The following FEZ1 variants were observed in gnomAD, a reference collection of about 807,000 sequenced individuals.
FEZ1 encodes the protein fasciculation and elongation protein zeta 1.
In FEZ1, 20 loss-of-function variants were observed where a neutral mutation model predicts 49.3. The observed-to-expected ratio is 0.41, with a 90% CI of 0.29 to 0.59. The LOEUF (loss-of-function observed/expected upper bound fraction) is 0.59. FEZ1 is among the 20% of genes least tolerant of loss of function. The probability of loss-of-function intolerance (pLI) is 0.36; values close to 1 mark genes in which losing one functional copy is unlikely to be tolerated. For missense variants in FEZ1, 413 were observed against 476.0 expected (o/e 0.87, Z 1.23); for synonymous variants, 170 against 180.9 (o/e 0.94, Z 0.48).
intron 3 of FEZ1, among the ~76,000 whole-genome samples, chr11:125,466,852 C>T (rs1359663409): frequency 1.3e-5 from 2 of 151,998 alleles, no homozygotes; most frequent in Non-Finnish European, 2.9e-5. Flanking sequence ...TTCAAATGAC[C>T]CCATTCATAG....
chr11:125,467,316 A>G (rs1957140075), intron 3 of FEZ1, among the ~76,000 whole-genome samples: 1 of 152,150 alleles, frequency 6.6e-6, no homozygotes, highest in Non-Finnish European at 1.5e-5. Flanking sequence ...GTGGGATTAC[A>G]GGTGTGAGCC....
At chr11:125,448,623 C>G (rs1591577925) in intron 8 of FEZ1, 56 bp from the exon 9 acceptor site, 1 of 1,141,852 alleles carries the variant, frequency 8.8e-7, no homozygotes, top group African/African-American at 1.5e-5. Context: ...AGGTTCACTT[C>G]TAGGGCCACA....
In FEZ1 at chr11:125,489,319, C is replaced by T. The variant is rs1460692513; in HGVS notation, c.311+148G>A. Reference sequence around the variant, plus strand: ...TAAAGGGACATATATAGAGCTATGACAGCAAGTACCAGGGCACTGCTCCGC... The same window carrying T: ...TAAAGGGACATATATAGAGCTATGATAGCAAGTACCAGGGCACTGCTCCGC... On this transcript the variant is annotated intron_variant, in intron 2 of 9. Coordinates refer to ENST00000278919, the MANE Select transcript of FEZ1 (RefSeq NM_005103.5). This position sits in a 1 kb window ranked among gnomAD's most constrained non-coding sequence, Gnocchi z 4.2. 1.4e-6 allele frequency: 2 copies of T among 1,417,304 alleles called. No individual in the cohort carries two copies. The highest frequency in any genetic ancestry group is 1.4e-5 in the African/African-American group (1 of 69,406). The allele number at this position is 1,417,304 out of a possible 1,614,324, so 87.8% of individuals were successfully genotyped here. A position where few individuals can be genotyped will look rare whatever the true frequency, so the allele number is the denominator to read the frequency against.
At chr11:125,470,894 T>C (rs1957177380) in intron 3 of FEZ1, among the ~76,000 whole-genome samples, 2 of 150,916 alleles carry the variant, frequency 1.3e-5, no homozygotes, top group South Asian at 4.2e-4. Context: ...ATAATAACTT[T>C]GTGTTGTGGA....
chr11:125,475,864 C>T (rs1248796363), intron 3 of FEZ1, among the ~76,000 whole-genome samples: 2 of 152,150 alleles, frequency 1.3e-5, no homozygotes, highest in African/African-American at 4.8e-5. Flanking sequence ...TTCACAGCAG[C>T]TTCATTTGAA....
intron 7 of FEZ1, chr11:125,452,999 C>T (rs1956972777): frequency 6.6e-6 from 1 of 151,654 alleles, no homozygotes; most frequent in African/African-American, 2.4e-5. Flanking sequence ...GCTCTGTCAC[C>T]CAAGCTGGAG....
At position 125,495,511 on chromosome 11, in the gene FEZ1, C is replaced by T. The variant is rs1018084398; in HGVS notation, c.-46+610G>A. ...TCCCGCCCGTCTGTAGTAAAACAATCGCTCTCCCGGCGTCTGCGGCCGCTG... is the reference window on the plus strand; with the variant it reads ...TCCCGCCCGTCTGTAGTAAAACAATTGCTCTCCCGGCGTCTGCGGCCGCTG... On this transcript the variant is annotated intron_variant, in intron 1 of 9. Transcript: ENST00000278919. The surrounding 1 kb of genome is among the most constrained non-coding windows in gnomAD (Gnocchi z 4.2). 5 of 471,148 alleles carry T rather than the reference C, an allele frequency of 1.1e-5. No individual in the cohort carries two copies. The Admixed American group carries it at 1.2e-4, about 11-fold the overall frequency. The allele number at this position is 471,148 out of a possible 1,614,324, so 29.2% of individuals were successfully genotyped here.
At chr11:125,471,364 C>T (rs1282932293) in intron 3 of FEZ1, among the ~76,000 whole-genome samples, 2 of 151,886 alleles carry the variant, frequency 1.3e-5, no homozygotes, top group Non-Finnish European at 2.9e-5. Flanking sequence ...CAAGTATACA[C>T]TACCTGCAAA....
intron 8 of FEZ1, among the ~76,000 whole-genome samples, chr11:125,450,960 C>T (rs2135737503): frequency 6.6e-6 from 1 of 152,032 alleles, no homozygotes; most frequent in East Asian, 1.9e-4. Flanking sequence ...TTTTAATGAA[C>T]TTAAAAAATG....
chr11:125,446,059 T>C lies in FEZ1; in HGVS notation c.*36A>G. On this transcript the variant is annotated 3_prime_UTR_variant, in exon 10 of 10. Coordinates refer to ENST00000278919, the MANE Select transcript of FEZ1 (RefSeq NM_005103.5). ...CTGTGATGGAATGACTCTTGCTCAG[T>C]GACCTCCTGCAGCGAGGCTGCTCCA... The C allele has an allele frequency of 5.0e-6, 8 of 1,606,946 alleles. No homozygotes were observed. Among genetic ancestry groups the C allele is most frequent in the Non-Finnish European group, 6.8e-6 (8 of 1,173,566 alleles).
At position 125,451,056 on chromosome 11, in the gene FEZ1, C is replaced by T. The variant is rs182413743; in HGVS notation, c.1096+1278G>A. Among the ~76,000 whole-genome samples the T allele has an allele frequency of 1.8e-3, 267 of 152,166 alleles. 6 individuals carry two copies. Among genetic ancestry groups the T allele is most frequent in the African/African-American group, 4.6e-3 (192 of 41,528 alleles). ...CACTGAATTCCTGAATGGGTATCTG[C>T]AACAAATTAATAGCTATTTATTTTT... On this transcript the variant is annotated intron_variant, in intron 8 of 9. Transcript: ENST00000278919.
intron 3 of FEZ1, among the ~76,000 whole-genome samples, chr11:125,474,918 A>G (rs771566544): frequency 1.3e-5 from 2 of 151,966 alleles, no homozygotes; most frequent in Admixed American, 6.6e-5. Flanking sequence ...ACAACTCAAT[A>G]CTAAGAACAC....
intron 3 of FEZ1, among the ~76,000 whole-genome samples, chr11:125,467,491 G>A (rs370631723): frequency 6.6e-6 from 1 of 152,204 alleles, no homozygotes; most frequent in African/African-American, 2.4e-5. Flanking sequence ...AGAGGACTGA[G>A]AGCAGTACTA....
At chr11:125,461,949 C>A (rs11220086) in intron 4 of FEZ1, among the ~76,000 whole-genome samples, 1,760 of 152,302 alleles carry the variant, frequency 0.012, 21 homozygotes, top group Non-Finnish European at 0.018. Context: ...GACACAAGTC[C>A]CTGTCAGGGT....
rs368024305 is a variant in FEZ1, at chr11:125,493,240, A to C, written c.-46+2881T>G. Among the ~76,000 whole-genome samples, 563 of 151,618 alleles carry C rather than the reference A, an allele frequency of 3.7e-3. 6 individuals carry two copies. Among genetic ancestry groups the C allele is most frequent in the South Asian group, 9.8e-3 (47 of 4,802 alleles). On this transcript the variant is annotated intron_variant, in intron 1 of 9. Transcript: ENST00000278919. ...TCCCAGCTACTTGGGAGGCTGAGGC[A>C]GGAGAATCGCTTGAGCCCAAGAGGC...
intron 5 of FEZ1, chr11:125,456,430 G>C (rs1957011876): frequency 9.8e-6 from 3 of 305,460 alleles, no homozygotes; most frequent in Non-Finnish European, 1.8e-5. Context: ...AAGATTCCTT[G>C]TGTGAAATGG....
At chr11:125,460,384 G>C (rs1957062431) in intron 5 of FEZ1, 114 bp downstream of exon 5, 1 of 831,930 alleles carries the variant, frequency 1.2e-6, no homozygotes, top group Non-Finnish European at 1.8e-6. Context: ...AGATCTGCAA[G>C]GCTCTGCTCT....
intron 3 of FEZ1, among the ~76,000 whole-genome samples, chr11:125,475,258 A>G (rs992616851): frequency 2.0e-5 from 3 of 146,608 alleles, no homozygotes; most frequent in Non-Finnish European, 4.5e-5. Flanking sequence ...CAACACAGCA[A>G]GACCCTGTCT....
At position 125,495,363 on chromosome 11, in the gene FEZ1, A is replaced by G; in HGVS notation, c.-46+758T>C. 2.1e-6 allele frequency: 1 copy of G among 470,348 alleles called. No homozygotes were observed. Among genetic ancestry groups the G allele is most frequent in the Non-Finnish European group, 4.4e-6 (1 of 226,608 alleles). 29.1% of individuals were successfully genotyped at this position (470,348 alleles called of 1,614,324 possible). ...GGCGAGGAGAGAAGGGATAGGCAAA[A>G]GGGAAGAAGAGCGGGCTGTGATACC... On this transcript the variant is annotated intron_variant, in intron 1 of 9. Transcript: ENST00000278919. This position sits in a 1 kb window ranked among gnomAD's most constrained non-coding sequence, Gnocchi z 4.2.
Sources: gnomAD v4.1 joint callset for allele counts (sites outside exome capture counted in the v4.1 genomes callset) on GRCh38, gnomAD v4.1.1 for gene constraint, Gnocchi (gnomAD v3.1) non-coding constraint, MANE v1.5 for transcripts, NCBI Gene and HGNC (gene_info 2026-07-23, HGNC 2026-07-21) for gene names.